Variants in THOC2 observed in about 807,000 individuals in gnomAD.
THOC2 encodes THO complex subunit 2, also known as THO complex 2.
THOC2 carries 10 observed loss-of-function variants against 128.4 expected under a neutral mutation model. The ratio of observed to expected loss-of-function variants is 0.08; its 90% confidence interval spans 0.05 to 0.13. THOC2 has a LOEUF of 0.13. THOC2 is among the 10% of genes least tolerant of loss of function. The pLI is 1.00. For missense variants in THOC2, 535 were observed against 1,155.7 expected (o/e 0.46, Z 7.79); for synonymous variants, 393 against 396.9 (o/e 0.99, Z 0.12).
chrX:123,659,603 G>A (rs917740608), intron 12 of THOC2, among the ~76,000 whole-genome samples: 17 of 112,027 alleles, frequency 1.5e-4, no homozygotes, highest in African/African-American at 5.5e-4. Context: ...AGTCCTCTGG[G>A]TGATTACAAG....
intron 8 of THOC2, among the ~76,000 whole-genome samples, chrX:123,683,717 C>T (rs1392807942): frequency 1.8e-5 from 2 of 109,909 alleles, no homozygotes; most frequent in Non-Finnish European, 3.8e-5. Context: ...TCTCCTGCCT[C>T]AGCCTCCCGA....
chrX:123,670,732 A>C (rs1371114262), intron 9 of THOC2, among the ~76,000 whole-genome samples: 1 of 112,595 alleles, frequency 8.9e-6, no homozygotes, highest in Non-Finnish European at 1.9e-5. Context: ...GTTCAACATC[A>C]CTAGTTTGGG....
intron 2 of THOC2, among the ~76,000 whole-genome samples, chrX:123,707,239 T>C (rs2050970582): frequency 9.0e-6 from 1 of 111,414 alleles, no homozygotes; most frequent in Non-Finnish European, 1.9e-5. Flanking sequence ...GCACATCATA[T>C]AGCATTCTGA....
intron 33 of THOC2, among the ~76,000 whole-genome samples, chrX:123,617,032 G>A (rs1349179801): frequency 9.0e-6 from 1 of 111,010 alleles, no homozygotes. Context: ...CCTCTAGAAA[G>A]TAAAAGCTAC....
At chrX:123,642,409 C>T (rs1411688740) in intron 15 of THOC2, among the ~76,000 whole-genome samples, 6 of 100,656 alleles carry the variant, frequency 6.0e-5, no homozygotes, top group Admixed American at 2.2e-4. Context: ...GCCCGGGCAA[C>T]GGTGCAAAAC....
At chrX:123,657,957 A>ATG (rs1439625167) in intron 12 of THOC2, among the ~76,000 whole-genome samples, 1 of 76,834 alleles carries the variant, frequency 1.3e-5, no homozygotes, top group Non-Finnish European at 2.4e-5. Flanking sequence ...ACATACGCAT[A>ATG]TGCGTGTGTG....
chrX:123,657,632 A>G (rs1369058976), intron 12 of THOC2, among the ~76,000 whole-genome samples: 1 of 93,792 alleles, frequency 1.1e-5, no homozygotes, highest in Non-Finnish European at 2.2e-5. Flanking sequence ...TGAAAGATTT[A>G]AAGTGTTAAG....
At chrX:123,635,302 A>C (rs2047633275) in intron 19 of THOC2, among the ~76,000 whole-genome samples, 1 of 112,166 alleles carries the variant, frequency 8.9e-6, no homozygotes, top group South Asian at 3.7e-4. Context: ...GAAATGGCAG[A>C]GAGATGAGCA....
chrX:123,676,125 T>C (rs1482893162), intron 8 of THOC2, among the ~76,000 whole-genome samples: 1 of 112,629 alleles, frequency 8.9e-6, no homozygotes, highest in African/African-American at 3.2e-5. Context: ...TATCTCTTTT[T>C]CTAATGTCTT....
chrX:123,732,282 G>A (rs1178334038), intron 1 of THOC2, among the ~76,000 whole-genome samples: 1 of 112,565 alleles, frequency 8.9e-6, no homozygotes, highest in African/African-American at 3.2e-5. Flanking sequence ...GCTCTAAGGT[G>A]AAAAGACGGA....
intron 38 of THOC2, among the ~76,000 whole-genome samples, chrX:123,604,651 C>T (rs995190632): frequency 1.8e-5 from 2 of 111,628 alleles, no homozygotes; most frequent in African/African-American, 3.3e-5. Context: ...AACACATACA[C>T]GCTTTTTAAT....
At chrX:123,623,541 T>C (rs891995974) in intron 28 of THOC2, 42 of 622,975 alleles carry the variant, frequency 6.7e-5, no homozygotes, top group Non-Finnish European at 9.3e-5. Context: ...ACTATGATGA[T>C]AAAATTATAT....
At chrX:123,693,790 A>T (rs1213615723) in intron 7 of THOC2, among the ~76,000 whole-genome samples, 1 of 111,468 alleles carries the variant, frequency 9.0e-6, no homozygotes, top group Non-Finnish European at 1.9e-5. Flanking sequence ...AAAAATAATC[A>T]GGGAATAGCA....
At chrX:123,656,603 A>T (rs768624547) in intron 12 of THOC2, among the ~76,000 whole-genome samples, 9 of 111,007 alleles carry the variant, frequency 8.1e-5, no homozygotes, top group African/African-American at 2.6e-4. Context: ...ACAGCTACTC[A>T]GGAGCCTGAG....
At chrX:123,618,139 A>G (rs1349859361) in intron 33 of THOC2, among the ~76,000 whole-genome samples, 1 of 111,779 alleles carries the variant, frequency 8.9e-6, no homozygotes, top group African/African-American at 3.2e-5. Flanking sequence ...CTAACAGCAA[A>G]AAAACAAAAA....
At chrX:123,683,415 G>C (rs1316537133) in intron 8 of THOC2, among the ~76,000 whole-genome samples, 1 of 110,872 alleles carries the variant, frequency 9.0e-6, no homozygotes, top group Non-Finnish European at 1.9e-5. Context: ...TTAGGCCAGG[G>C]ACCAATACAC....
chrX:123,706,919 T>C lies in THOC2; in HGVS notation c.161A>G (p.Tyr54Cys). The stretch of plus-strand genomic sequence containing the variant: ...CTTTAGATTTCCTTTAATTACATGA[T>C]ATGACAACTCATAGAGAGCTTGCTG... Reference protein sequence around the residue: ...DFQQALYELSYHVIKGNLKHE... With the variant: ...DFQQALYELSCHVIKGNLKHE... The change falls in exon 3 of 39, where the codon TAT (tyrosine) becomes TGT (cysteine). Residue 54 changes from tyrosine (Y) to cysteine (C), a missense_variant. Coordinates refer to ENST00000245838, the MANE Select transcript of THOC2 (RefSeq NM_001081550.2). 2 of 1,161,320 alleles carry C rather than the reference T, an allele frequency of 1.7e-6. No homozygotes were observed. Among genetic ancestry groups the C allele is most frequent in the Middle Eastern group, 5.0e-4 (2 of 4,027 alleles).
chrX:123,721,697 A>T (rs2051705162), intron 1 of THOC2, among the ~76,000 whole-genome samples: 1 of 108,326 alleles, frequency 9.2e-6, no homozygotes, highest in Non-Finnish European at 1.9e-5. Context: ...GAGGCAGGAG[A>T]ATCGCTTGGA....
At chrX:123,700,613 G>A (rs1343017617) in intron 4 of THOC2, among the ~76,000 whole-genome samples, 2 of 108,185 alleles carry the variant, frequency 1.8e-5, no homozygotes, top group Non-Finnish European at 3.8e-5. Flanking sequence ...AATTTCCCTT[G>A]TAACTGTCAA....
Sources: allele counts gnomAD v4.1 joint callset (sites outside exome capture counted in the v4.1 genomes callset), GRCh38; gene constraint gnomAD v4.1.1; transcripts MANE v1.5; gene names NCBI Gene and HGNC (gene_info 2026-07-23, HGNC 2026-07-21).